PPFIA2: variants seen among roughly 807,000 people sequenced by gnomAD.
The protein encoded by PPFIA2 is liprin-alpha-2.
In PPFIA2, 46 loss-of-function variants were observed where a neutral mutation model predicts 175.5. The observed-to-expected ratio is 0.26, with a 90% CI of 0.21 to 0.34. The LOEUF is 0.34. Ranked by LOEUF, PPFIA2 falls within the 10% of genes least tolerant of loss-of-function variation. The pLI is 1.00. For missense variants in PPFIA2, 1,179 were observed against 1,506.1 expected, an observed-to-expected ratio of 0.78 and a Z score of 3.60; for synonymous variants, 568 against 511.4, an observed-to-expected ratio of 1.11 and a Z score of -1.49.
chr12:81,367,649 G>T (rs1023650068), intron 13 of PPFIA2, among the ~76,000 whole-genome samples: 2 of 151,384 alleles, frequency 1.3e-5, no homozygotes, highest in Non-Finnish European at 3.0e-5. Flanking sequence ...AATTTATAAT[G>T]ATACTTAAAT....
At chr12:81,630,955 G>A (rs540280885) in intron 4 of PPFIA2, among the ~76,000 whole-genome samples, 4 of 150,434 alleles carry the variant, frequency 2.7e-5, no homozygotes, top group Non-Finnish European at 4.4e-5. Flanking sequence ...GGAGGGCAGT[G>A]GCACAATCTC....
At chr12:81,597,845 C>T (rs1193998056) in intron 4 of PPFIA2, 9 of 1,145,582 alleles carry the variant, frequency 7.9e-6, no homozygotes, top group Non-Finnish European at 8.6e-6. Flanking sequence ...ACATTTTCTT[C>T]AATACTTCCA....
At chr12:81,743,130 C>T (rs938444045) in intron 3 of PPFIA2, among the ~76,000 whole-genome samples, 6 of 151,698 alleles carry the variant, frequency 4.0e-5, no homozygotes, top group Admixed American at 1.3e-4. Flanking sequence ...ATTAAAAAAA[C>T]AAACAAGGCT....
intron 22 of PPFIA2, among the ~76,000 whole-genome samples, chr12:81,310,070 G>A (rs1351726044): frequency 2.6e-5 from 4 of 152,066 alleles, no homozygotes; most frequent in African/African-American, 7.2e-5. Flanking sequence ...ATACCACTTA[G>A]ATTAGATTGC....
In PPFIA2 at chr12:81,445,628, T is replaced by G; in HGVS notation, c.498A>C (p.Gly166=). 1 of 1,613,942 alleles carries G rather than the reference T, an allele frequency of 6.2e-7. No homozygotes were observed. Among genetic ancestry groups the G allele is most frequent in the Non-Finnish European group, 8.5e-7 (1 of 1,179,854 alleles). The change falls in exon 6 of 33, where the codon GGA becomes GGC. Residue 166 remains glycine, a synonymous_variant. Coordinates refer to ENST00000549396, the MANE Select transcript of PPFIA2 (RefSeq NM_003625.5). The part of the protein sequence containing the change: ...VVKRQAQSPS[G]VSSEVEVLKA... ...TGAGAACTTCAACTTCACTGGATAC[T>G]CCTGAGGGAGACTGGGCTTGCCGTT...
In PPFIA2 at chr12:81,259,300, CATATTT is replaced by C. The variant is rs2034602783; in HGVS notation, c.*388_*393del. The C allele has an allele frequency of 2.6e-6, 1 of 385,884 alleles. No individual in the cohort carries two copies. The highest frequency in any genetic ancestry group is 4.9e-6 in the Non-Finnish European group (1 of 205,488). The allele number at this position is 385,884 out of a possible 1,614,324, so 23.9% of individuals were successfully genotyped here. On this transcript the variant is annotated 3_prime_UTR_variant, in exon 33 of 33. Transcript: ENST00000549396. ...CCATATATTTTATTTTTTAAAAAAT[CATATTT>C]ATATCCATTTACATAAGACTTACAC...
intron 4 of PPFIA2, among the ~76,000 whole-genome samples, chr12:81,533,088 A>C (rs2153293937): frequency 6.6e-6 from 1 of 151,764 alleles, no homozygotes; most frequent in East Asian, 1.9e-4. Flanking sequence ...AAAGTTTTAG[A>C]GCTCAGTTTC....
In PPFIA2 at chr12:81,472,118, T is replaced by C. The variant is rs1383858773; in HGVS notation, c.304-14252A>G. On this transcript the variant is annotated intron_variant, in intron 4 of 32. Transcript: ENST00000549396. ...AGTCACAAAGGACCATATTGTTGTA[T>C]GATCCTCTTAATATTTAATGTCCAG... 2.1e-4 allele frequency among the ~76,000 whole-genome samples: 32 copies of C among 152,194 alleles called. 1 individual carries two copies. The highest frequency in any genetic ancestry group is 2.1e-3 in the Admixed American group (32 of 15,278).
At chr12:81,534,860 G>C (rs1404502391) in intron 4 of PPFIA2, among the ~76,000 whole-genome samples, 1 of 151,612 alleles carries the variant, frequency 6.6e-6, no homozygotes, top group Non-Finnish European at 1.5e-5. Flanking sequence ...TCCCCAGTCA[G>C]TGTTGAAATT....
chr12:81,494,256 A>G (rs2059770499), intron 4 of PPFIA2, among the ~76,000 whole-genome samples: 1 of 151,668 alleles, frequency 6.6e-6, no homozygotes, highest in African/African-American at 2.4e-5. Flanking sequence ...AGAAAAAAAC[A>G]AACAACCCCA....
At chr12:81,493,730 TTG>T (rs3075419) in intron 4 of PPFIA2, among the ~76,000 whole-genome samples, 56,409 of 121,214 alleles carry the variant, frequency 0.47, 13,286 homozygotes, top group South Asian at 0.53. Flanking sequence ...GAGTGTGTGT[TTG>T]TGTGTGTGTG....
chr12:81,722,438 A>C (rs2079480647), intron 3 of PPFIA2, among the ~76,000 whole-genome samples: 1 of 151,126 alleles, frequency 6.6e-6, no homozygotes, highest in Non-Finnish European at 1.5e-5. Flanking sequence ...CCAAATCTAA[A>C]TAGGCTAGAT....
chr12:81,680,186 G>A (rs2073346855), intron 3 of PPFIA2, among the ~76,000 whole-genome samples: 1 of 151,864 alleles, frequency 6.6e-6, no homozygotes. Flanking sequence ...CTAGGCTACA[G>A]AATTTATTTA....
chr12:81,431,453 T>A (rs1438726304), intron 7 of PPFIA2: 2 of 152,200 alleles, frequency 1.3e-5, no homozygotes, highest in Non-Finnish European at 2.9e-5. Context: ...CTGGAACATG[T>A]AATCAACATT....
chr12:81,614,157 T>C (rs2061211141), intron 4 of PPFIA2, among the ~76,000 whole-genome samples: 1 of 152,112 alleles, frequency 6.6e-6, no homozygotes, highest in South Asian at 2.1e-4. Context: ...CCTACATACA[T>C]CCACTTGCCT....
At chr12:81,629,057 G>A (rs2063060583) in intron 4 of PPFIA2, among the ~76,000 whole-genome samples, 4 of 152,138 alleles carry the variant, frequency 2.6e-5, no homozygotes, top group East Asian at 3.9e-4. Flanking sequence ...GAAGGGATAT[G>A]TGCCAAAAGA....
intron 5 of PPFIA2, among the ~76,000 whole-genome samples, chr12:81,447,967 C>A (rs1480554956): frequency 2.0e-5 from 3 of 151,928 alleles, no homozygotes; most frequent in Non-Finnish European, 4.4e-5. Context: ...AATCTGATGA[C>A]AAAAATAATG....
chr12:81,552,204 C>G (rs559134185), intron 4 of PPFIA2, among the ~76,000 whole-genome samples: 117 of 151,716 alleles, frequency 7.7e-4, no homozygotes, highest in Admixed American at 1.4e-3. Context: ...TAAGGTTAAT[C>G]AGAACCTCAG....
At chr12:81,260,732 C>G (rs1456663412) in intron 32 of PPFIA2, 1 of 152,156 alleles carries the variant, frequency 6.6e-6, no homozygotes, top group Non-Finnish European at 1.5e-5. Flanking sequence ...ACTTTTAGTT[C>G]AAGGCAATGA....
Sources: gnomAD v4.1 joint callset for allele counts (sites outside exome capture counted in the v4.1 genomes callset) on GRCh38, gnomAD v4.1.1 for gene constraint, MANE v1.5 for transcripts, NCBI Gene and HGNC (gene_info 2026-07-23, HGNC 2026-07-21) for gene names.